Variants in SHC3 observed in about 807,000 individuals in gnomAD.
SHC3 encodes the protein SHC-transforming protein 3.
Under a neutral mutation model 60.4 loss-of-function variants are expected in SHC3, and 15 were observed. The ratio of observed to expected loss-of-function variants is 0.25; its 90% confidence interval spans 0.17 to 0.38. The LOEUF (loss-of-function observed/expected upper bound fraction) is 0.38. Ranked by LOEUF, SHC3 falls within the 10% of genes least tolerant of loss-of-function variation. SHC3 has a pLI of 1.00. For missense variants in SHC3, 677 were observed against 786.1 expected, an observed-to-expected ratio of 0.86 and a Z score of 1.66; for synonymous variants, 294 against 325.9, an observed-to-expected ratio of 0.90 and a Z score of 1.05.
intron 5 of SHC3, among the ~76,000 whole-genome samples, chr9:89,066,902 G>A (rs1315638835): frequency 6.6e-6 from 1 of 152,148 alleles, no homozygotes; most frequent in Non-Finnish European, 1.5e-5. Context: ...ATCTGCTGTA[G>A]GTTCAGGTGG....
chr9:89,106,052 T>C (rs1461606494), intron 2 of SHC3, among the ~76,000 whole-genome samples: 1 of 152,210 alleles, frequency 6.6e-6, no homozygotes, highest in Non-Finnish European at 1.5e-5. Flanking sequence ...GTCTCATTTC[T>C]ATGTCTCTCA....
intron 6 of SHC3, among the ~76,000 whole-genome samples, chr9:89,063,655 G>A (rs552879638): frequency 6.6e-6 from 1 of 152,298 alleles, no homozygotes; most frequent in Non-Finnish European, 1.5e-5. Context: ...AGCCAATTTG[G>A]ACCTCCTAGA....
chr9:89,118,062 G>C (rs1161677642), intron 1 of SHC3, among the ~76,000 whole-genome samples: 1 of 151,862 alleles, frequency 6.6e-6, no homozygotes, highest in Non-Finnish European at 1.5e-5. Flanking sequence ...ATCATTTTGT[G>C]AAGTTTCCTT....
chr9:89,125,953 T>C (rs1240866559), intron 1 of SHC3, among the ~76,000 whole-genome samples: 1 of 152,194 alleles, frequency 6.6e-6, no homozygotes, highest in East Asian at 1.9e-4. Context: ...TCCTTTACTT[T>C]CTTAATAAAC....
At chr9:89,114,298 A>G (rs1203405347) in intron 1 of SHC3, among the ~76,000 whole-genome samples, 6 of 152,160 alleles carry the variant, frequency 3.9e-5, no homozygotes. Flanking sequence ...AACTATGAAC[A>G]ATTCAGAGTT....
At chr9:89,071,626 T>C (rs1385801703) in intron 4 of SHC3, among the ~76,000 whole-genome samples, 3 of 152,184 alleles carry the variant, frequency 2.0e-5, no homozygotes, top group Non-Finnish European at 1.5e-5. Context: ...TTAACATAAG[T>C]GACTCCATCT....
intron 10 of SHC3, among the ~76,000 whole-genome samples, chr9:89,039,342 G>A (rs1824636652): frequency 6.6e-6 from 1 of 152,222 alleles, no homozygotes; most frequent in Non-Finnish European, 1.5e-5. Flanking sequence ...AGTGAGGTGA[G>A]TAAATGAAAC....
intron 5 of SHC3, among the ~76,000 whole-genome samples, chr9:89,068,526 T>C (rs986690432): frequency 6.6e-6 from 1 of 152,222 alleles, no homozygotes; most frequent in Non-Finnish European, 1.5e-5. Context: ...CAATATAAAA[T>C]GCATTTGGAT....
At chr9:89,110,325 G>A (rs1403829078) in intron 2 of SHC3, 10 of 984,612 alleles carry the variant, frequency 1.0e-5, no homozygotes, top group African/African-American at 1.7e-5. Context: ...TTAATAAAAG[G>A]TGTGACTGGA....
At chr9:89,076,746 G>A (rs1825364488) in intron 3 of SHC3, among the ~76,000 whole-genome samples, 1 of 152,128 alleles carries the variant, frequency 6.6e-6, no homozygotes. Context: ...ATATCCAGTG[G>A]TATTCTAGTG....
chr9:89,059,716 TG>T (rs1348031290), intron 6 of SHC3, among the ~76,000 whole-genome samples: 43 of 11,982 alleles, frequency 3.6e-3, no homozygotes, highest in African/African-American at 6.0e-3. Flanking sequence ...TGGTGGAGGA[TG>T]GTGGTGCAGG....
At chr9:89,100,428 G>A (rs887345990) in intron 2 of SHC3, among the ~76,000 whole-genome samples, 1 of 151,998 alleles carries the variant, frequency 6.6e-6, no homozygotes, top group Admixed American at 6.5e-5. Flanking sequence ...TGCAAAGATA[G>A]GGGTCTCACT....
intron 2 of SHC3, among the ~76,000 whole-genome samples, chr9:89,093,307 T>C (rs549667695): frequency 9.8e-5 from 15 of 152,288 alleles, no homozygotes; most frequent in African/African-American, 3.4e-4. Flanking sequence ...CAGGAAATTC[T>C]AGAAAAGGCA....
intron 2 of SHC3, among the ~76,000 whole-genome samples, chr9:89,095,108 A>G (rs915075018): frequency 2.0e-5 from 3 of 152,186 alleles, no homozygotes; most frequent in African/African-American, 4.8e-5. Flanking sequence ...CAGCAACCCC[A>G]CTTCTGAGTA....
chr9:89,098,512 T>C (rs1487993127), intron 2 of SHC3, among the ~76,000 whole-genome samples: 1 of 152,156 alleles, frequency 6.6e-6, no homozygotes, highest in Non-Finnish European at 1.5e-5. Context: ...TCTCAAATAG[T>C]TCAGAAAAAA....
chr9:89,090,570 G>A (rs545359184), intron 2 of SHC3, among the ~76,000 whole-genome samples: 61 of 152,324 alleles, frequency 4.0e-4, no homozygotes, highest in African/African-American at 1.4e-3. Context: ...AGGTGAGGCT[G>A]CACAGGGCCT....
At chr9:89,156,151 C>T (rs1464655447) in intron 1 of SHC3, among the ~76,000 whole-genome samples, 2 of 152,154 alleles carry the variant, frequency 1.3e-5, no homozygotes, top group Admixed American at 6.5e-5. Flanking sequence ...GCCTTGATTG[C>T]TGCATACTCT....
intron 10 of SHC3, among the ~76,000 whole-genome samples, chr9:89,039,319 C>T (rs998608622): frequency 6.6e-6 from 1 of 152,194 alleles, no homozygotes; most frequent in African/African-American, 2.4e-5. Context: ...GATGTTAGTA[C>T]AGCGTGGGCA....
chr9:89,056,893 C>T (rs1824961222), intron 6 of SHC3, among the ~76,000 whole-genome samples: 1 of 152,238 alleles, frequency 6.6e-6, no homozygotes, highest in Admixed American at 6.5e-5. Flanking sequence ...AAAAACTTAT[C>T]GGGATCCATG....
Sources: gnomAD v4.1 joint callset for allele counts (sites outside exome capture counted in the v4.1 genomes callset) on GRCh38, gnomAD v4.1.1 for gene constraint, MANE v1.5 for transcripts, NCBI Gene and HGNC (gene_info 2026-07-23, HGNC 2026-07-21) for gene names.